The following CSH1 variants were observed in gnomAD, a reference collection of about 807,000 sequenced individuals.
CSH1 encodes chorionic somatomammotropin hormone 1, also known as Chorionic somatomammotropin hormone 2.
CSH1 carries 17 observed loss-of-function variants against 19.4 expected under a neutral mutation model. That is an observed-to-expected ratio of 0.88 (90% CI 0.60 to 1.31). The LOEUF (loss-of-function observed/expected upper bound fraction) is 1.31, where lower values mean the gene tolerates loss of function less well. Ranked by LOEUF, CSH1 falls within the 40% of genes most tolerant of loss-of-function variation. The pLI is 0.00. For synonymous variants in CSH1, 72 were observed against 104.6 expected, an observed-to-expected ratio of 0.69 and a Z score of 1.90; for missense variants, 190 against 243.1, an observed-to-expected ratio of 0.78 and a Z score of 1.45.
chr17:63,896,573 T>A lies in CSH1; in HGVS notation c.-62A>T. 6.2e-7 allele frequency: 1 copy of A among 1,612,268 alleles called. No individual in the cohort carries two copies. Among genetic ancestry groups the A allele is most frequent in the African/African-American group, 1.3e-5 (1 of 74,698 alleles). On this transcript the variant is annotated 5_prime_UTR_variant, in exon 1 of 5. Coordinates refer to ENST00000316193, the MANE Select transcript of CSH1 (RefSeq NM_001317.6). The stretch of plus-strand genomic sequence containing the variant: ...TTCGGGGAGTTGGGCCTTGGGATCC[T>A]AGAGCCGGTCTCTTGTGGGCCCTTT...
Position 63,895,485 on chromosome 17 carries a change from T to C in CSH1, c.444A>G (p.Gln148=). 6.2e-7 allele frequency: 1 copy of C among 1,612,434 alleles called. No homozygotes were observed. Among genetic ancestry groups the C allele is most frequent in the East Asian group, 2.2e-5 (1 of 44,850 alleles). ...HLLKDLEEGI[Q]TLMGRLEDGS... ...GCGCCACCCTCACCCCCATCAGCGT[T>C]TGGATGCCTTCCTCTAGGTCCTTTA... The change falls in exon 4 of 5, where the codon CAA becomes CAG. Residue 148 remains glutamine, a synonymous_variant. Coordinates refer to ENST00000316193, the MANE Select transcript of CSH1 (RefSeq NM_001317.6).
Position 63,896,251 on chromosome 17 carries a change from A to C in CSH1, c.11-16T>G, listed in dbSNP as rs780617385. On this transcript the variant is annotated splice_polypyrimidine_tract_variant and intron_variant, in intron 1 of 4. Coordinates refer to ENST00000316193, the MANE Select transcript of CSH1 (RefSeq NM_001317.6). ...GTCCGGGAGCCTGGGGAGAAACCGG[A>C]GGGCAATGGAGGGAGCCGGAGAGGA... is the stretch of plus-strand genomic sequence containing the variant. 39 of 1,494,076 alleles carry C rather than the reference A, an allele frequency of 2.6e-5. 1 individual carries two copies. The South Asian group carries it at 4.9e-4, about 19-fold the overall frequency. 92.6% of individuals were successfully genotyped at this position (1,494,076 alleles called of 1,614,324 possible).
chr17:63,895,816 G>T lies in CSH1; in HGVS notation c.206C>A (p.Ser69Ter). The change falls in exon 3 of 5, where the codon TCA becomes TAA. Residue 69 changes from serine to a stop codon, truncating the protein, a stop_gained. Transcript: ENST00000316193. LOFTEE classifies it high-confidence loss of function. ...ETYIPKDQKY[S>*]FLHDSQTSFC... ...GGAGGTCTGGGAGTCATGCAGGAATGAATACTTCTGGTCCTTTGGGATATA... is the reference window on the plus strand; with the variant it reads ...GGAGGTCTGGGAGTCATGCAGGAATTAATACTTCTGGTCCTTTGGGATATA... 1.8e-6 allele frequency: 1 copy of T among 546,136 alleles called. No homozygotes were observed. Among genetic ancestry groups the T allele is most frequent in the Non-Finnish European group, 2.9e-6 (1 of 349,418 alleles). 33.8% of individuals were successfully genotyped at this position (546,136 alleles called of 1,614,324 possible). A position where few individuals can be genotyped will look rare whatever the true frequency, so the allele number is the denominator to read the frequency against.
rs768173229 is a variant in CSH1, at chr17:63,895,493, C to T, written c.436G>A (p.Gly146Ser). The T allele has an allele frequency of 3.1e-6, 5 of 1,612,218 alleles. No homozygotes were observed. The highest frequency in any genetic ancestry group is 2.7e-5 in the African/African-American group (2 of 73,782). Residue 146 changes from glycine to serine, a missense_variant, in exon 4 of 5, where the codon GGC becomes AGC. Physicochemically the swap from Gly to Ser is moderately conservative, Grantham distance 56. Transcript: ENST00000316193. ...CTCACCCCCATCAGCGTTTGGATGC[C>T]TTCCTCTAGGTCCTTTAGGAGGTGA... is the stretch of plus-strand genomic sequence containing the variant. ...DYHLLKDLEE[G>S]IQTLMGRLED...
At position 63,895,393 on chromosome 17, in the gene CSH1, A is replaced by G. The variant is rs1474833411; in HGVS notation, c.456+80T>C. On this transcript the variant is annotated intron_variant, in intron 4 of 4. Transcript: ENST00000316193. ...TTGGGTCAGCGCCTTACTGCTAAAA[A>G]GAGGGCAGCAGTATTTCTCTCCCCC... The G allele has an allele frequency of 2.3e-5, 37 of 1,612,778 alleles. 1 individual carries two copies. In the East Asian group the frequency reaches 8.0e-4, roughly 35 times the overall value.
intron 3 of CSH1, 38 bp from the exon 4 acceptor site, chr17:63,895,675 G>C: frequency 7.0e-7 from 1 of 1,437,144 alleles, no homozygotes; most frequent in African/African-American, 1.8e-5. Flanking sequence ...TGCTGCCCGG[G>C]AGCCCTGACC....
In CSH1 at chr17:63,895,456, C is replaced by G. The variant is rs140138679; in HGVS notation, c.456+17G>C. On this transcript the variant is annotated intron_variant, in intron 4 of 4. Transcript: ENST00000316193. ...CAGTGGGGTTCCAGGATTGGTGACCCCTGGCGCCACCCTCACCCCCATCAG... is the reference window on the plus strand; with the variant it reads ...CAGTGGGGTTCCAGGATTGGTGACCGCTGGCGCCACCCTCACCCCCATCAG... 11 of 1,612,804 alleles carry G rather than the reference C, an allele frequency of 6.8e-6. No homozygotes were observed. The highest frequency in any genetic ancestry group is 3.3e-4 in the Middle Eastern group (2 of 6,062).
Position 63,895,183 on chromosome 17 carries a change from G to C in CSH1, c.493C>G (p.Leu165Val). The change falls in exon 5 of 5, where the codon CTC becomes GTC. Residue 165 changes from leucine (L) to valine (V), a missense_variant. By Grantham distance (32) the Leu-to-Val change is conservative. This residue lies in a region of CSH1 where 175 missense variants were observed against 187.2 expected (regional missense o/e 0.93). Coordinates refer to ENST00000316193, the MANE Select transcript of CSH1 (RefSeq NM_001317.6). Reference protein sequence around the residue: ...EDGSRRTGQILKQTYSKFDTN... With the variant: ...EDGSRRTGQIVKQTYSKFDTN... ...TCAAACTTGCTGTAGGTCTGCTTGA[G>C]GATCTGCCCAGTCCGGCGGCTGCCG... 6.2e-7 allele frequency: 1 copy of C among 1,612,868 alleles called. No individual in the cohort carries two copies. The highest frequency in any genetic ancestry group is 1.3e-5 in the African/African-American group (1 of 74,362).
intron 1 of CSH1, 101 bp from the exon 2 acceptor site, chr17:63,896,336 T>A: frequency 6.2e-7 from 1 of 1,602,890 alleles, no homozygotes; most frequent in South Asian, 1.1e-5. Flanking sequence ...TCTCCATCCC[T>A]CCAGAGACCA....
rs1231389546 is a variant in CSH1, at chr17:63,896,533, C to T, written c.-22G>A. ...CCATTGCCACTAGGTGAGCTGTCCA[C>T]AGGACCCTGAGTGGTTCGGGGAGTT... is the stretch of plus-strand genomic sequence containing the variant. On this transcript the variant is annotated 5_prime_UTR_variant, in exon 1 of 5. It adds an upstream start codon to the 5' untranslated region. Transcript: ENST00000316193. 1.9e-6 allele frequency: 3 copies of T among 1,613,358 alleles called. No individual in the cohort carries two copies. Among genetic ancestry groups the T allele is most frequent in the African/African-American group, 2.7e-5 (2 of 74,840 alleles).
chr17:63,896,327 C>T, intron 1 of CSH1, 92 bp from the exon 2 acceptor site: 2 of 1,603,094 alleles, frequency 1.2e-6, no homozygotes, highest in Non-Finnish European at 1.7e-6. Context: ...TTTTCTCTCT[C>T]TCCATCCCTC....
intron 4 of CSH1, 38 bp downstream of exon 4, chr17:63,895,435 G>A (rs1280083853): frequency 6.2e-7 from 1 of 1,612,968 alleles, no homozygotes; most frequent in East Asian, 2.2e-5. Context: ...CGAAGCCAGT[G>A]GGGTTCCAGG....
chr17:63,895,347 T>C (rs1169175770), intron 4 of CSH1, 126 bp downstream of exon 4: 23 of 1,612,516 alleles, frequency 1.4e-5, no homozygotes, highest in Non-Finnish European at 1.9e-5. Context: ...CCAGGCGAAA[T>C]GAAGAATAAG....
rs1238583850 is a variant in CSH1 at position 63,896,321 on chromosome 17, C to T, written c.11-86G>A. The T allele has an allele frequency of 1.7e-5, 27 of 1,601,244 alleles. 1 individual carries two copies. In the African/African-American group the frequency reaches 2.2e-4, roughly 13 times the overall value. ...GCTCCAGGAGCTGTTTGTTTTTTTTCTCTCTCTCCATCCCTCCAGAGACCA... is the reference window on the plus strand; with the variant it reads ...GCTCCAGGAGCTGTTTGTTTTTTTTTTCTCTCTCCATCCCTCCAGAGACCA... On this transcript the variant is annotated intron_variant, in intron 1 of 4. Transcript: ENST00000316193.
chr17:63,895,415 C>T (rs369375467), intron 4 of CSH1, 58 bp downstream of exon 4: 22 of 1,612,774 alleles, frequency 1.4e-5, no homozygotes, highest in Non-Finnish European at 1.8e-5. Flanking sequence ...TATTTCTCTC[C>T]CCCAGCCCTC....
rs751975601 is a variant in CSH1 at position 63,895,233 on chromosome 17, G to C, written c.457-14C>G. 1.2e-5 allele frequency: 19 copies of C among 1,612,740 alleles called. 1 individual carries two copies. The highest frequency in any genetic ancestry group is 1.6e-4 in the Middle Eastern group (1 of 6,078). ...GTCTTCCAGCCTCTGCAAAGTGAAG[G>C]AAGAGAAGGAGAGGCCAAGCGCTTG... On this transcript the variant is annotated splice_polypyrimidine_tract_variant and intron_variant, in intron 4 of 4. Coordinates refer to ENST00000316193, the MANE Select transcript of CSH1 (RefSeq NM_001317.6).
chr17:63,894,929 A>C lies in CSH1; in HGVS notation c.*93T>G. The C allele has an allele frequency of 1.0e-5, 16 of 1,600,702 alleles. No individual in the cohort carries two copies. The South Asian group carries it at 1.8e-4, about 18-fold the overall frequency. ...CTAGTCAGATGAAATGATACAACTT[A>C]ATTTTATTAGGACAAGGCTGGTGGG... is the stretch of plus-strand genomic sequence containing the variant. On this transcript the variant is annotated 3_prime_UTR_variant, in exon 5 of 5. Transcript: ENST00000316193.
At chr17:63,895,710 G>C (rs1311444831) in intron 3 of CSH1, 21 bp downstream of exon 3, 1 of 1,167,204 alleles carries the variant, frequency 8.6e-7, no homozygotes, top group East Asian at 2.7e-5. Flanking sequence ...TCCCCGCCTA[G>C]GGGAGACGGC....
chr17:63,896,429 C>G, intron 1 of CSH1, 73 bp downstream of exon 1: 3 of 1,601,184 alleles, frequency 1.9e-6, no homozygotes, highest in Non-Finnish European at 2.6e-6. Flanking sequence ...GGTTAGTGCC[C>G]CCGTCCCATC....
Sources: gnomAD v4.1 joint callset for allele counts on GRCh38, gnomAD v4.1.1 for gene constraint, gnomAD v4.1.1 regional missense constraint, MANE v1.5 for transcripts, NCBI Gene and HGNC (gene_info 2026-07-23, HGNC 2026-07-21) for gene names.